The following BCKDHB variants were observed in gnomAD, a reference collection of about 807,000 sequenced individuals.
BCKDHB encodes the protein 2-oxoisovalerate dehydrogenase subunit beta, mitochondrial.
BCKDHB carries 41 observed loss-of-function variants against 48.5 expected under a neutral mutation model. That is an observed-to-expected ratio of 0.85 (90% CI 0.66 to 1.10). BCKDHB has a LOEUF of 1.10. Among genes scored for constraint, BCKDHB ranks in the 50% least tolerant of loss-of-function variants. BCKDHB has a pLI of 0.00. For synonymous variants in BCKDHB, 201 were observed against 174.8 expected (o/e 1.15, Z -1.18); for missense variants, 496 against 494.2 (o/e 1.00, Z -0.03).
the BCKDHB span, among the ~76,000 whole-genome samples, chr6:80,381,747 C>T: frequency 6.6e-6 from 1 of 152,034 alleles, no homozygotes; most frequent in Non-Finnish European, 1.5e-5. Flanking sequence ...AATGTTTCTT[C>T]TTTATTTCAC....
At chr6:80,277,339 T>G (rs2127970389) in intron 9 of BCKDHB, among the ~76,000 whole-genome samples, 1 of 152,158 alleles carries the variant, frequency 6.6e-6, no homozygotes, top group East Asian at 1.9e-4. Flanking sequence ...AGTGTTAACC[T>G]CATCTATTTT....
intron 9 of BCKDHB, among the ~76,000 whole-genome samples, chr6:80,282,635 T>C (rs1390753629): frequency 6.6e-6 from 1 of 152,058 alleles, no homozygotes; most frequent in Non-Finnish European, 1.5e-5. Context: ...AAATGAAAAC[T>C]CACCTGTATG....
At chr6:80,206,541 T>TTGTG (rs35972426) in intron 8 of BCKDHB, among the ~76,000 whole-genome samples, 3,872 of 145,790 alleles carry the variant, frequency 0.027, 77 homozygotes, top group African/African-American at 0.051. Flanking sequence ...CCTAGAAAGT[T>TTGTG]TGTGTGTGTG....
At chr6:80,330,506 A>C (rs993095043) in intron 9 of BCKDHB, among the ~76,000 whole-genome samples, 5 of 152,172 alleles carry the variant, frequency 3.3e-5, no homozygotes, top group Non-Finnish European at 4.4e-5. Context: ...TGGGCTTGTA[A>C]ATCTGTGTAT....
At chr6:80,441,693 T>C in the BCKDHB span, among the ~76,000 whole-genome samples, 1 of 152,310 alleles carries the variant, frequency 6.6e-6, no homozygotes, top group African/African-American at 2.4e-5. Flanking sequence ...CATTAATTCA[T>C]TGAAATTGCT....
the BCKDHB span, among the ~76,000 whole-genome samples, chr6:80,406,559 G>T: frequency 6.6e-6 from 1 of 152,190 alleles, no homozygotes; most frequent in Admixed American, 6.5e-5. Flanking sequence ...TAACTGGTGT[G>T]AGATGGTATC....
At chr6:80,465,885 A>T in the BCKDHB span, 1 of 152,236 alleles carries the variant, frequency 6.6e-6, no homozygotes, top group African/African-American at 2.4e-5. Context: ...CTGGGAGATT[A>T]TGAAGGGTAG....
chr6:80,244,857 A>G (rs1776542646), intron 8 of BCKDHB, among the ~76,000 whole-genome samples: 1 of 152,218 alleles, frequency 6.6e-6, no homozygotes, highest in African/African-American at 2.4e-5. Context: ...TTCTCATGGA[A>G]TATTGGTTTA....
At chr6:80,299,073 GT>G (rs1429564169) in intron 9 of BCKDHB, among the ~76,000 whole-genome samples, 2 of 23,754 alleles carry the variant, frequency 8.4e-5, no homozygotes, top group Non-Finnish European at 1.4e-4. Context: ...TACTGAAAGG[GT>G]CTTTCTAACT....
chr6:80,341,879 G>A (rs1769923712), intron 9 of BCKDHB, among the ~76,000 whole-genome samples: 1 of 152,100 alleles, frequency 6.6e-6, no homozygotes, highest in Admixed American at 6.5e-5. Flanking sequence ...AAAATTACTT[G>A]TTGCAAACAA....
the BCKDHB span, among the ~76,000 whole-genome samples, chr6:80,432,241 G>C: frequency 1.2e-4 from 18 of 152,050 alleles, no homozygotes; most frequent in Non-Finnish European, 2.4e-4. Context: ...TGCTAGGTTG[G>C]GGAAGTTCTC....
the BCKDHB span, among the ~76,000 whole-genome samples, chr6:80,412,769 G>T: frequency 3.3e-5 from 5 of 152,034 alleles, no homozygotes; most frequent in Admixed American, 1.3e-4. Context: ...CTTAATTTCT[G>T]ATCAACAGTT....
the BCKDHB span, among the ~76,000 whole-genome samples, chr6:80,353,182 T>C: frequency 6.6e-6 from 1 of 152,160 alleles, no homozygotes; most frequent in Non-Finnish European, 1.5e-5. Flanking sequence ...GTCTGGCTTG[T>C]TTTACTTAAG....
the BCKDHB span, among the ~76,000 whole-genome samples, chr6:80,408,619 T>C: frequency 6.6e-6 from 1 of 152,178 alleles, no homozygotes; most frequent in Non-Finnish European, 1.5e-5. Context: ...ATTCATTTTT[T>C]CTAGATTTTC....
intron 9 of BCKDHB, among the ~76,000 whole-genome samples, chr6:80,337,308 A>G (rs1769642536): frequency 1.3e-5 from 2 of 152,164 alleles, no homozygotes; most frequent in South Asian, 4.1e-4. Context: ...CACGGACTTC[A>G]AAAGTATCAA....
the BCKDHB span, chr6:80,453,977 T>G: frequency 6.6e-6 from 1 of 152,220 alleles, no homozygotes; most frequent in East Asian, 1.9e-4. Context: ...AGAAAGGCTC[T>G]GCTTATATTT....
At chr6:80,246,928 C>T (rs1418105715) in intron 8 of BCKDHB, among the ~76,000 whole-genome samples, 1 of 151,870 alleles carries the variant, frequency 6.6e-6, no homozygotes, top group Non-Finnish European at 1.5e-5. Flanking sequence ...AGGGCCCAGA[C>T]AATGTTTAAT....
chr6:80,122,873 T>C (rs1412079118), intron 1 of BCKDHB, among the ~76,000 whole-genome samples: 2 of 152,104 alleles, frequency 1.3e-5, no homozygotes, highest in African/African-American at 2.4e-5. Context: ...CTAATAAGCC[T>C]GAGGGTACTG....
chr6:80,289,118 C>T (rs1447913632), intron 9 of BCKDHB, among the ~76,000 whole-genome samples: 1 of 152,126 alleles, frequency 6.6e-6, no homozygotes, highest in Admixed American at 6.5e-5. Flanking sequence ...AGAACTTACT[C>T]ATATATTTCC....
Sources: allele counts gnomAD v4.1 joint callset (sites outside exome capture counted in the v4.1 genomes callset), GRCh38; gene constraint gnomAD v4.1.1; transcripts MANE v1.5; gene names NCBI Gene and HGNC (gene_info 2026-07-23, HGNC 2026-07-21).